The following AGBL1 variants were observed in gnomAD, a reference collection of about 807,000 sequenced individuals.
AGBL1 encodes the protein cytosolic carboxypeptidase 4.
A neutral mutation model predicts 118.9 loss-of-function variants in AGBL1; 130 were observed. That is an observed-to-expected ratio of 1.09 (90% CI 0.95 to 1.26). The LOEUF is 1.26. Ranked by LOEUF, AGBL1 falls within the 50% of genes most tolerant of loss-of-function variation. The probability of loss-of-function intolerance (pLI) is 0.00; values close to 1 mark genes in which losing one functional copy is unlikely to be tolerated. For missense variants in AGBL1, 1,584 were observed against 1,298.1 expected (o/e 1.22, Z -3.38); for synonymous variants, 555 against 478.9 (o/e 1.16, Z -2.08).
chr15:86,912,547 T>G lies in AGBL1; in HGVS notation c.*5253T>G, dbSNP rs77717951. On this transcript the variant is annotated 3_prime_UTR_variant, in exon 23 of 23. Transcript: ENST00000614907. ...GAGGATTCAGAGCCACCAAGAATAT[T>G]TGAAATTAACCTGCTCCCTGAGTTA... The G allele has an allele frequency of 6.6e-6, 1 of 152,116 alleles. No homozygotes were observed. The highest frequency in any genetic ancestry group is 2.4e-5 in the African/African-American group (1 of 41,416). The allele number at this position is 152,116 out of a possible 1,614,324, so 9.4% of individuals were successfully genotyped here. A position where few individuals can be genotyped will look rare whatever the true frequency, so the allele number is the denominator to read the frequency against.
chr15:86,874,259 A>C (rs1460286579), intron 22 of AGBL1, among the ~76,000 whole-genome samples: 1 of 152,142 alleles, frequency 6.6e-6, no homozygotes, highest in Non-Finnish European at 1.5e-5. Context: ...ATAAAAGAAA[A>C]AAATAAAAAC....
chr15:86,660,576 T>C (rs1438399363), intron 21 of AGBL1, among the ~76,000 whole-genome samples: 3 of 152,082 alleles, frequency 2.0e-5, no homozygotes, highest in Non-Finnish European at 4.4e-5. Flanking sequence ...TTTTTTTTAC[T>C]GATTTTTTAA....
chr15:86,702,583 C>T (rs889200089), intron 22 of AGBL1, among the ~76,000 whole-genome samples: 1 of 152,186 alleles, frequency 6.6e-6, no homozygotes, highest in Non-Finnish European at 1.5e-5. Flanking sequence ...CTACTTTCAA[C>T]AGGGACACCA....
chr15:86,330,073 C>G (rs1189499624), intron 17 of AGBL1, among the ~76,000 whole-genome samples: 1 of 152,208 alleles, frequency 6.6e-6, no homozygotes, highest in Non-Finnish European at 1.5e-5. Flanking sequence ...CTTGTGCCTA[C>G]CATCAAGAGA....
chr15:86,718,114 A>C (rs2086664643), intron 22 of AGBL1, among the ~76,000 whole-genome samples: 1 of 152,140 alleles, frequency 6.6e-6, no homozygotes, highest in Non-Finnish European at 1.5e-5. Context: ...AAACAGGAGA[A>C]AAAATATTAT....
chr15:87,005,267 T>C (rs147783617), intron 24 of AGBL1, among the ~76,000 whole-genome samples: 4,913 of 152,332 alleles, frequency 0.032, 121 homozygotes, highest in Non-Finnish European at 0.051. Flanking sequence ...TTCTCCTGGA[T>C]AATATCCTGC....
In AGBL1 at chr15:86,090,617, A is replaced by C. The variant is rs138805839; in HGVS notation, c.51+10594A>C. The stretch of plus-strand genomic sequence containing the variant: ...TTAGTTCATGGTTGTACCATAATTT[A>C]AATAAATAGAAGTACGTTTTCTTCT... On this transcript the variant is annotated intron_variant, in intron 1 of 22. Coordinates refer to ENST00000614907, the MANE Select transcript of AGBL1 (RefSeq NM_001386094.1). Among the ~76,000 whole-genome samples, 358 of 152,326 alleles carry C rather than the reference A, an allele frequency of 2.4e-3. 2 individuals carry two copies. Among genetic ancestry groups the C allele is most frequent in the African/African-American group, 8.3e-3 (347 of 41,584 alleles).
intron 17 of AGBL1, among the ~76,000 whole-genome samples, chr15:86,367,716 G>A (rs1271082865): frequency 2.6e-5 from 4 of 152,276 alleles, no homozygotes; most frequent in South Asian, 4.1e-4. Flanking sequence ...ATTTACAAGT[G>A]TGATCTCAGA....
chr15:86,437,021 A>G (rs904979788), intron 18 of AGBL1, among the ~76,000 whole-genome samples: 1 of 151,970 alleles, frequency 6.6e-6, no homozygotes, highest in Non-Finnish European at 1.5e-5. Context: ...TTTTGCATCA[A>G]ATGACTCCAA....
At chr15:86,811,038 G>T (rs1036609551) in intron 22 of AGBL1, among the ~76,000 whole-genome samples, 1 of 152,180 alleles carries the variant, frequency 6.6e-6, no homozygotes, top group African/African-American at 2.4e-5. Flanking sequence ...ATCAAGGAAG[G>T]TTATTAGAGA....
At chr15:86,634,300 G>A (rs1188174122) in intron 21 of AGBL1, among the ~76,000 whole-genome samples, 1 of 152,124 alleles carries the variant, frequency 6.6e-6, no homozygotes, top group Non-Finnish European at 1.5e-5. Flanking sequence ...CAGCCAACAA[G>A]TAGAAACAAC....
rs530571626 is a variant in AGBL1 at position 86,825,938 on chromosome 15, C to T, written c.3159-81149C>T. ...ATAGATAGATAGATAGATAGATAGA[C>T]AGATGAGATAAATTATAGATACACA... On this transcript the variant is annotated intron_variant, in intron 22 of 22. Coordinates refer to ENST00000614907, the MANE Select transcript of AGBL1 (RefSeq NM_001386094.1). Among the ~76,000 whole-genome samples, 13 of 143,970 alleles carry T rather than the reference C, an allele frequency of 9.0e-5. No individual in the cohort carries two copies. In the East Asian group the frequency reaches 1.7e-3, roughly 18 times the overall value. The allele number at this position is 143,970 out of a possible 152,430, so 94.4% of individuals were successfully genotyped here.
At chr15:86,706,022 C>A (rs757968771) in intron 22 of AGBL1, among the ~76,000 whole-genome samples, 1 of 151,922 alleles carries the variant, frequency 6.6e-6, no homozygotes, top group Non-Finnish European at 1.5e-5. Flanking sequence ...TGCAATAATT[C>A]AAGACATGAG....
At chr15:86,833,995 A>G (rs2079139983) in intron 22 of AGBL1, among the ~76,000 whole-genome samples, 1 of 152,152 alleles carries the variant, frequency 6.6e-6, no homozygotes, top group Non-Finnish European at 1.5e-5. Flanking sequence ...ACTGAAAGCT[A>G]CAACTCTCAT....
chr15:86,749,748 T>G (rs2077817419), intron 22 of AGBL1, among the ~76,000 whole-genome samples: 1 of 152,220 alleles, frequency 6.6e-6, no homozygotes, highest in Admixed American at 6.5e-5. Context: ...AAAGGCCTTT[T>G]CTGCATCTGT....
At chr15:86,563,820 T>A (rs1297877939) in intron 21 of AGBL1, among the ~76,000 whole-genome samples, 1 of 152,186 alleles carries the variant, frequency 6.6e-6, no homozygotes, top group Non-Finnish European at 1.5e-5. Flanking sequence ...TGCTCCTGTA[T>A]TGGGTGCATA....
At chr15:86,540,926 T>A (rs2083486859) in intron 19 of AGBL1, among the ~76,000 whole-genome samples, 1 of 152,212 alleles carries the variant, frequency 6.6e-6, no homozygotes, top group Non-Finnish European at 1.5e-5. Context: ...ATTTGTCGTT[T>A]ACTTCCTTTT....
At chr15:86,210,017 C>CA (rs1416946775) in intron 5 of AGBL1, among the ~76,000 whole-genome samples, 1 of 152,170 alleles carries the variant, frequency 6.6e-6, no homozygotes, top group Non-Finnish European at 1.5e-5. Context: ...CTGGTGGTGA[C>CA]AAAATCTCTC....
intron 24 of AGBL1, among the ~76,000 whole-genome samples, chr15:86,998,028 T>C (rs1373102550): frequency 6.6e-6 from 1 of 152,144 alleles, no homozygotes; most frequent in Admixed American, 6.6e-5. Context: ...GAGCTATGTA[T>C]ATATAGTAGA....
Sources: gnomAD v4.1 joint callset for allele counts (sites outside exome capture counted in the v4.1 genomes callset) on GRCh38, gnomAD v4.1.1 for gene constraint, MANE v1.5 for transcripts, NCBI Gene and HGNC (gene_info 2026-07-23, HGNC 2026-07-21) for gene names.